The following NEO1 variants were observed in gnomAD, a reference collection of about 807,000 sequenced individuals.
NEO1 encodes neogenin.
Under a neutral mutation model 159.7 loss-of-function variants are expected in NEO1, and 63 were observed. That is an observed-to-expected ratio of 0.39 (90% CI 0.32 to 0.49). The LOEUF is 0.49. Among genes scored for constraint, NEO1 ranks in the 20% least tolerant of loss-of-function variants. The pLI is 0.85. For synonymous variants in NEO1, 633 were observed against 662.0 expected (o/e 0.96, Z 0.67); for missense variants, 1,615 against 1,831.0 (o/e 0.88, Z 2.15).
intron 22 of NEO1, among the ~76,000 whole-genome samples, chr15:73,279,180 T>A (rs948670305): frequency 2.6e-5 from 4 of 152,280 alleles, no homozygotes; most frequent in African/African-American, 9.6e-5. Context: ...ATAATTGTGC[T>A]CCAGGTTCTA....
At chr15:73,257,835 TC>T (rs1438738150) in intron 13 of NEO1, among the ~76,000 whole-genome samples, 1 of 152,216 alleles carries the variant, frequency 6.6e-6, no homozygotes, top group East Asian at 1.9e-4. Context: ...TTGCTAGTAA[TC>T]CAGATTATCG....
chr15:73,294,706 A>G (rs986204174), intron 26 of NEO1, among the ~76,000 whole-genome samples: 2 of 151,854 alleles, frequency 1.3e-5, no homozygotes, highest in South Asian at 4.2e-4. Context: ...CACCCAGCTG[A>G]TTTTTGTATT....
chr15:73,162,484 C>T (rs796100352), intron 5 of NEO1, among the ~76,000 whole-genome samples: 65 of 152,224 alleles, frequency 4.3e-4, no homozygotes, highest in African/African-American at 1.3e-3. Context: ...CCTCCACCTC[C>T]TGGGTTCAAG....
At chr15:73,204,949 AT>A (rs1298468864) in intron 7 of NEO1, among the ~76,000 whole-genome samples, 1 of 152,196 alleles carries the variant, frequency 6.6e-6, no homozygotes, top group African/African-American at 2.4e-5. Context: ...GCTATAGGTT[AT>A]CAGAGACTTG....
intron 7 of NEO1, among the ~76,000 whole-genome samples, chr15:73,191,630 G>A (rs1006519225): frequency 2.0e-5 from 3 of 151,638 alleles, no homozygotes; most frequent in African/African-American, 4.8e-5. Flanking sequence ...AAAGTTTGAA[G>A]GTTTTTTCAA....
chr15:73,263,190 CT>C (rs33959030), intron 15 of NEO1, among the ~76,000 whole-genome samples: 5,513 of 123,944 alleles, frequency 0.044, 53 homozygotes, highest in Admixed American at 0.077. Context: ...TCATAGTTGA[CT>C]TTTTTTTTTT....
intron 1 of NEO1, among the ~76,000 whole-genome samples, chr15:73,055,482 T>C (rs1470415553): frequency 6.6e-6 from 1 of 152,200 alleles, no homozygotes; most frequent in African/African-American, 2.4e-5. Context: ...CTCTGATTAA[T>C]TCTTCATTTG....
chr15:73,258,973 C>A, intron 14 of NEO1, 97 bp downstream of exon 14: 3 of 996,178 alleles, frequency 3.0e-6, no homozygotes, highest in Non-Finnish European at 4.7e-6. Context: ...GGATATGGCT[C>A]AAGTCTGTGA....
At chr15:73,239,349 A>G (rs1054435543) in intron 8 of NEO1, among the ~76,000 whole-genome samples, 5 of 152,222 alleles carry the variant, frequency 3.3e-5, no homozygotes, top group Admixed American at 3.3e-4. Flanking sequence ...TAACTGTCCT[A>G]TAGACATACA....
chr15:73,199,867 G>A (rs1053336870), intron 7 of NEO1, among the ~76,000 whole-genome samples: 7 of 152,064 alleles, frequency 4.6e-5, no homozygotes, highest in African/African-American at 9.7e-5. Context: ...TGTGTCTTCC[G>A]TGGCAAAAGG....
rs947685673 is a variant in NEO1, at chr15:73,123,441, C to T, written c.724+641C>T. Reference sequence around the variant, plus strand: ...TCACTTGTGCAAATCAGAGACCCATCCAGGCTAGTTCGTATAAGGGATGGG... The same window carrying T: ...TCACTTGTGCAAATCAGAGACCCATTCAGGCTAGTTCGTATAAGGGATGGG... On this transcript the variant is annotated intron_variant, in intron 3 of 28. Coordinates refer to ENST00000261908, the MANE Select transcript of NEO1 (RefSeq NM_002499.4). Among the ~76,000 whole-genome samples, 11 of 152,136 alleles carry T rather than the reference C, an allele frequency of 7.2e-5. No individual in the cohort carries two copies. The South Asian group carries it at 2.3e-3, about 32-fold the overall frequency.
At position 73,052,784 on chromosome 15, in the gene NEO1, G is replaced by C; in HGVS notation, c.109G>C (p.Gly37Arg). ...GCCGGGCGCCGCGGCCGCCAGGAGC[G>C]GCTCCGCGCCGCAGTCCCCAGGTAA... ...RAPGAAAARSGSAPQSPGASI... is the reference protein window; with the variant it reads ...RAPGAAAARSRSAPQSPGASI... Residue 37 changes from glycine to arginine, a missense_variant, in exon 1 of 29, where the codon GGC (glycine) becomes CGC (arginine). By Grantham distance (125) the Gly-to-Arg change is moderately radical (BLOSUM62 -2). This residue lies in a region of NEO1 where 1,018 missense variants were observed against 1,115.4 expected (regional missense o/e 0.91). Transcript: ENST00000261908. The C allele has an allele frequency of 1.7e-6, 2 of 1,161,152 alleles. No homozygotes were observed. The highest frequency in any genetic ancestry group is 1.7e-5 in the African/African-American group (1 of 60,498). 71.9% of individuals were successfully genotyped at this position (1,161,152 alleles called of 1,614,324 possible).
chr15:73,212,352 A>G (rs1026462023), intron 7 of NEO1, among the ~76,000 whole-genome samples: 9 of 152,142 alleles, frequency 5.9e-5, no homozygotes, highest in African/African-American at 1.9e-4. Context: ...GGAGGTACTT[A>G]GATTGACTCT....
At chr15:73,104,912 G>GC (rs1345109802) in intron 1 of NEO1, among the ~76,000 whole-genome samples, 1 of 152,012 alleles carries the variant, frequency 6.6e-6, no homozygotes, top group East Asian at 1.9e-4. Flanking sequence ...GGGGAAATGC[G>GC]CCCCATGATC....
rs8036122 is a variant in NEO1, at chr15:73,249,020, A to G, written c.1607-40A>G. 2,545 of 1,608,406 alleles carry G rather than the reference A, an allele frequency of 1.6e-3. 40 individuals are homozygous for G. In the African/African-American group the frequency reaches 0.031, roughly 20 times the overall value. On this transcript the variant is annotated intron_variant, in intron 9 of 28. Coordinates refer to ENST00000261908, the MANE Select transcript of NEO1 (RefSeq NM_002499.4). ...AAGAATGGTTATTGAGGAGTGTAGCATTTCATTTATATCTTGCTTTCTCGA... is the reference window on the plus strand; with the variant it reads ...AAGAATGGTTATTGAGGAGTGTAGCGTTTCATTTATATCTTGCTTTCTCGA...
At chr15:73,097,064 G>A (rs192865377) in intron 1 of NEO1, among the ~76,000 whole-genome samples, 2 of 152,264 alleles carry the variant, frequency 1.3e-5, no homozygotes, top group African/African-American at 4.8e-5. Flanking sequence ...GGTCAAGGCT[G>A]CAGTGAGTTG....
chr15:73,286,395 G>GT (rs1214275057), intron 23 of NEO1, among the ~76,000 whole-genome samples: 1 of 151,940 alleles, frequency 6.6e-6, no homozygotes, highest in African/African-American at 2.4e-5. Context: ...GTTTTGTTTT[G>GT]TTTTTTGTTT....
chr15:73,108,665 A>G (rs1231092783), intron 1 of NEO1, among the ~76,000 whole-genome samples: 3 of 152,234 alleles, frequency 2.0e-5, no homozygotes, highest in Non-Finnish European at 2.9e-5. Context: ...AGGAAAAAGC[A>G]AACAGGTAAT....
chr15:73,239,334 C>G (rs1021474927), intron 8 of NEO1, among the ~76,000 whole-genome samples: 31 of 152,176 alleles, frequency 2.0e-4, no homozygotes, highest in African/African-American at 6.8e-4. Context: ...CATCACACTT[C>G]TAGGTAACTG....
Sources: allele counts gnomAD v4.1 joint callset (sites outside exome capture counted in the v4.1 genomes callset), GRCh38; gene constraint gnomAD v4.1.1; regional missense constraint gnomAD v4.1.1; transcripts MANE v1.5; gene names NCBI Gene and HGNC (gene_info 2026-07-23, HGNC 2026-07-21).